CDC14A: variants seen among roughly 807,000 people sequenced by gnomAD.
CDC14A encodes cell division cycle 14A.
Under a neutral mutation model 74.4 loss-of-function variants are expected in CDC14A, and 53 were observed. The observed-to-expected ratio is 0.71, with a 90% CI of 0.57 to 0.89. The LOEUF is 0.89. Ranked by LOEUF, CDC14A falls within the 40% of genes least tolerant of loss-of-function variation. The pLI is 0.00. For missense variants in CDC14A, 646 were observed against 713.7 expected (o/e 0.91, Z 1.08); for synonymous variants, 247 against 258.4 (o/e 0.96, Z 0.43).
intron 10 of CDC14A, among the ~76,000 whole-genome samples, chr1:100,470,952 T>C (rs1668337122): frequency 6.6e-6 from 1 of 152,162 alleles, no homozygotes; most frequent in Non-Finnish European, 1.5e-5. Flanking sequence ...AATGGAAACA[T>C]TTGTCTACAA....
At chr1:100,378,308 A>G (rs774681280) in intron 3 of CDC14A, among the ~76,000 whole-genome samples, 89 of 152,232 alleles carry the variant, frequency 5.8e-4, no homozygotes, top group Middle Eastern at 3.4e-3. Context: ...ATTTTATCAC[A>G]CAGAAAGCAA....
At position 100,353,019 on chromosome 1, in the gene CDC14A, C is replaced by T. The variant is rs750679712; in HGVS notation, c.49+16C>T. On this transcript the variant is annotated intron_variant, in intron 1 of 15. Transcript: ENST00000336454. ...TTCATGAAAGGTGAGGAGCAGCCGC[C>T]CCGCATCTTCCAACGCTTTCTTGCC... The T allele has an allele frequency of 6.8e-6, 11 of 1,613,648 alleles. No homozygotes were observed. Among genetic ancestry groups the T allele is most frequent in the East Asian group, 2.2e-5 (1 of 44,874 alleles).
At chr1:100,466,393 G>A (rs1667807362) in intron 9 of CDC14A, among the ~76,000 whole-genome samples, 1 of 152,096 alleles carries the variant, frequency 6.6e-6, no homozygotes, top group African/African-American at 2.4e-5. Flanking sequence ...ATAGGCACTG[G>A]GTGAAATAGA....
At chr1:100,363,552 T>C (rs1192884793) in intron 2 of CDC14A, among the ~76,000 whole-genome samples, 1 of 152,180 alleles carries the variant, frequency 6.6e-6, no homozygotes, top group Non-Finnish European at 1.5e-5. Context: ...AATTTAATTT[T>C]TTGGTCTTAA....
At chr1:100,383,118 G>A (rs1338879478) in intron 3 of CDC14A, among the ~76,000 whole-genome samples, 1 of 152,116 alleles carries the variant, frequency 6.6e-6, no homozygotes, top group African/African-American at 2.4e-5. Flanking sequence ...AGGTTCTAGG[G>A]GCTCCAAAGC....
At position 100,508,676 on chromosome 1, in the gene CDC14A, G is replaced by A. The variant is rs1449793975; in HGVS notation, c.1755+9414G>A. 6.6e-6 allele frequency among the ~76,000 whole-genome samples: 1 copy of A among 152,158 alleles called. No individual in the cohort carries two copies. Among genetic ancestry groups the A allele is most frequent in the Admixed American group, 6.5e-5 (1 of 15,278 alleles). On this transcript the variant is annotated intron_variant, in intron 15 of 15. Transcript: ENST00000336454. This position sits in a 1 kb window ranked among gnomAD's most constrained non-coding sequence, Gnocchi z 4.4. Reference sequence around the variant, plus strand: ...TGGCTCCATCTCAGCCCTGGCCCGAGGGCAATGGTCCCAATTTCTCTCAGC... The same window carrying A: ...TGGCTCCATCTCAGCCCTGGCCCGAAGGCAATGGTCCCAATTTCTCTCAGC...
chr1:100,496,157 T>C, intron 13 of CDC14A, 108 bp downstream of exon 13: 1 of 840,236 alleles, frequency 1.2e-6, no homozygotes, highest in Non-Finnish European at 2.0e-6. Context: ...GCTTTTTGCT[T>C]TTTAAATTGC....
At chr1:100,432,380 A>G (rs1195721897) in intron 5 of CDC14A, among the ~76,000 whole-genome samples, 2 of 152,256 alleles carry the variant, frequency 1.3e-5, no homozygotes, top group African/African-American at 4.8e-5. Flanking sequence ...CGGACAATAT[A>G]GTCTGCAGCT....
chr1:100,345,973 C>A (rs1650380670), intron 1 of CDC14A, among the ~76,000 whole-genome samples: 1 of 152,050 alleles, frequency 6.6e-6, no homozygotes. Context: ...GAGTTAGAGA[C>A]CAGCCTGGCC....
chr1:100,458,097 A>G (rs1209219348), intron 8 of CDC14A, among the ~76,000 whole-genome samples: 2 of 152,208 alleles, frequency 1.3e-5, no homozygotes, highest in East Asian at 3.9e-4. Flanking sequence ...AGCCTCTTGC[A>G]TATACATCAT....
intron 2 of CDC14A, among the ~76,000 whole-genome samples, chr1:100,372,347 C>T (rs1164819313): frequency 6.6e-6 from 1 of 152,194 alleles, no homozygotes; most frequent in Non-Finnish European, 1.5e-5. Flanking sequence ...AAAGATTTCT[C>T]TGTAGCATGA....
At chr1:100,365,926 A>G (rs1653523376) in intron 2 of CDC14A, among the ~76,000 whole-genome samples, 1 of 147,712 alleles carries the variant, frequency 6.8e-6, no homozygotes, top group Non-Finnish European at 1.5e-5. Flanking sequence ...TTGCTGATCA[A>G]TTTCAACAAA....
At chr1:100,405,225 T>C (rs1659788457) in intron 4 of CDC14A, among the ~76,000 whole-genome samples, 1 of 152,226 alleles carries the variant, frequency 6.6e-6, no homozygotes, top group Admixed American at 6.5e-5. Context: ...ACTATCTGAC[T>C]TAGAACATGG....
At chr1:100,482,157 C>T (rs1201205709) in intron 10 of CDC14A, among the ~76,000 whole-genome samples, 1 of 152,160 alleles carries the variant, frequency 6.6e-6, no homozygotes, top group African/African-American at 2.4e-5. Context: ...AAGTTGGCAG[C>T]AGCATCAGAA....
chr1:100,497,582 A>C (rs1363668180), intron 13 of CDC14A, among the ~76,000 whole-genome samples: 1 of 152,244 alleles, frequency 6.6e-6, no homozygotes, highest in African/African-American at 2.4e-5. Context: ...CAAGGATAAG[A>C]AATAAAGATG....
chr1:100,436,923 C>T (rs1664408009), intron 5 of CDC14A, among the ~76,000 whole-genome samples: 1 of 152,192 alleles, frequency 6.6e-6, no homozygotes, highest in East Asian at 1.9e-4. Flanking sequence ...CAGTGGCTTA[C>T]ACCTGTAATC....
chr1:100,385,788 A>G (rs1391215600), intron 3 of CDC14A, among the ~76,000 whole-genome samples: 3 of 152,014 alleles, frequency 2.0e-5, no homozygotes, highest in Non-Finnish European at 4.4e-5. Flanking sequence ...TGCCATTCCT[A>G]TTGCTTTGGA....
At chr1:100,418,677 C>T (rs540162868) in intron 4 of CDC14A, among the ~76,000 whole-genome samples, 5 of 152,204 alleles carry the variant, frequency 3.3e-5, no homozygotes, top group East Asian at 1.9e-4. Context: ...TTTGAAATAA[C>T]GTGATGATGA....
intron 3 of CDC14A, among the ~76,000 whole-genome samples, chr1:100,385,868 T>C (rs1000554535): frequency 1.3e-5 from 2 of 152,226 alleles, no homozygotes; most frequent in Non-Finnish European, 2.9e-5. Flanking sequence ...GGGCTGGCTA[T>C]GTCCACTTCA....
Sources: allele counts gnomAD v4.1 joint callset (sites outside exome capture counted in the v4.1 genomes callset), GRCh38; gene constraint gnomAD v4.1.1; non-coding constraint Gnocchi (gnomAD v3.1); transcripts MANE v1.5; gene names NCBI Gene and HGNC (gene_info 2026-07-23, HGNC 2026-07-21).